Variants in RYR3 observed in about 807,000 individuals in gnomAD.
RYR3 encodes the protein ryanodine receptor 3.
RYR3 carries 207 observed loss-of-function variants against 584.3 expected under a neutral mutation model. That is an observed-to-expected ratio of 0.35 (90% CI 0.32 to 0.40). RYR3 has a LOEUF of 0.40. Among genes scored for constraint, RYR3 ranks in the 10% least tolerant of loss-of-function variants. The probability of loss-of-function intolerance (pLI) is 1.00; values close to 1 mark genes in which losing one functional copy is unlikely to be tolerated. For synonymous variants in RYR3, 2,416 were observed against 2,248.5 expected, an observed-to-expected ratio of 1.07 and a Z score of -2.11; for missense variants, 5,616 against 6,089.2, an observed-to-expected ratio of 0.92 and a Z score of 2.59.
At chr15:33,548,997 C>A (rs896874475) in intron 9 of RYR3, among the ~76,000 whole-genome samples, 3 of 152,022 alleles carry the variant, frequency 2.0e-5, no homozygotes, top group African/African-American at 7.2e-5. Context: ...CCCAAGGGCT[C>A]CTGAAGATAA....
intron 1 of RYR3, among the ~76,000 whole-genome samples, chr15:33,359,593 C>T (rs1280771871): frequency 6.9e-6 from 1 of 144,824 alleles, no homozygotes; most frequent in Non-Finnish European, 1.5e-5. Flanking sequence ...TCCCTGACCC[C>T]TTATTTATTT....
intron 3 of RYR3, among the ~76,000 whole-genome samples, chr15:33,507,596 AC>A (rs1567400040): frequency 6.6e-6 from 1 of 152,204 alleles, no homozygotes; most frequent in Non-Finnish European, 1.5e-5. Flanking sequence ...TACAGTGTCT[AC>A]CAACCTTCAG....
intron 57 of RYR3, among the ~76,000 whole-genome samples, chr15:33,750,871 TACCCCCACA>T (rs1003865318): frequency 2.0e-5 from 3 of 152,036 alleles, no homozygotes; most frequent in African/African-American, 4.8e-5. Flanking sequence ...ATCCCTCCCC[TACCCCCACA>T]ACCCCCACAG....
intron 19 of RYR3, among the ~76,000 whole-genome samples, chr15:33,618,501 GA>G (rs1486101024): frequency 6.6e-6 from 1 of 152,034 alleles, no homozygotes; most frequent in Admixed American, 6.5e-5. Flanking sequence ...TAGCCAGAAA[GA>G]AATATGAATG....
At chr15:33,468,493 C>G (rs1236778856) in intron 1 of RYR3, among the ~76,000 whole-genome samples, 1 of 152,196 alleles carries the variant, frequency 6.6e-6, no homozygotes. Flanking sequence ...ATGCCAGCAT[C>G]TGTTCCCTTT....
chr15:33,394,342 A>T (rs2042174837), intron 1 of RYR3, among the ~76,000 whole-genome samples: 4 of 152,250 alleles, frequency 2.6e-5, no homozygotes, highest in Admixed American at 2.6e-4. Flanking sequence ...TTTTCAGTAC[A>T]GCCAAAAAGA....
chr15:33,325,725 T>TCTTCCTTCCTTCCTTC (rs67855881), intron 1 of RYR3, among the ~76,000 whole-genome samples: 10 of 91,492 alleles, frequency 1.1e-4, no homozygotes, highest in African/African-American at 3.7e-4. Context: ...CCCCTCCCCC[T>TCTTCCTTCCTTCCTTC]CTTCCTTCCT....
intron 66 of RYR3, among the ~76,000 whole-genome samples, chr15:33,786,237 A>G (rs1359953373): frequency 1.3e-5 from 2 of 151,810 alleles, no homozygotes; most frequent in Non-Finnish European, 2.9e-5. Context: ...TTCTTAATCA[A>G]CTCCACTCAA....
At chr15:33,608,217 G>T (rs1391016185) in intron 18 of RYR3, among the ~76,000 whole-genome samples, 1 of 152,174 alleles carries the variant, frequency 6.6e-6, no homozygotes, top group Admixed American at 6.5e-5. Context: ...AAAATCATAG[G>T]TCCTGGTTCA....
At chr15:33,834,888 G>T in intron 86 of RYR3, 80 bp from the exon 87 acceptor site, 1 of 946,652 alleles carries the variant, frequency 1.1e-6, no homozygotes, top group Non-Finnish European at 1.7e-6. Flanking sequence ...CATATAAGTA[G>T]GTATCAGATG....
intron 1 of RYR3, among the ~76,000 whole-genome samples, chr15:33,433,270 A>T (rs1019659645): frequency 3.9e-5 from 6 of 152,180 alleles, no homozygotes; most frequent in Admixed American, 3.3e-4. Flanking sequence ...ATTGTTATAG[A>T]AGAGTATCTT....
intron 1 of RYR3, among the ~76,000 whole-genome samples, chr15:33,370,044 C>T (rs753214873): frequency 2.6e-5 from 4 of 152,314 alleles, no homozygotes; most frequent in Admixed American, 6.5e-5. Context: ...ATCATACTAT[C>T]GCTTATTTAA....
chr15:33,311,320 C>A lies in RYR3; in HGVS notation c.51+224C>A, dbSNP rs1323007886. On this transcript the variant is annotated intron_variant, in intron 1 of 103. Coordinates refer to ENST00000634891, the MANE Select transcript of RYR3 (RefSeq NM_001036.6). The surrounding 1 kb of genome is among the most constrained non-coding windows in gnomAD (Gnocchi z 4.4). ...TGCCTCTCCCTTGTTCCCCTACCGC[C>A]ACCCCTGCCCCAGGCCCTCCACCTA... is the stretch of plus-strand genomic sequence containing the variant. Among the ~76,000 whole-genome samples the A allele has an allele frequency of 1.3e-5, 2 of 152,202 alleles. No homozygotes were observed. Among genetic ancestry groups the A allele is most frequent in the Non-Finnish European group, 2.9e-5 (2 of 68,020 alleles).
intron 12 of RYR3, among the ~76,000 whole-genome samples, chr15:33,571,891 C>CT (rs1206215864): frequency 5.3e-5 from 8 of 151,910 alleles, no homozygotes; most frequent in Non-Finnish European, 7.4e-5. Context: ...CCCTTACTAC[C>CT]TTTTTTTGTG....
rs1371195717 is a variant in RYR3 at position 33,662,677 on chromosome 15, G to A, written c.5147G>A (p.Gly1716Glu). 3.1e-6 allele frequency: 5 copies of A among 1,614,064 alleles called. No homozygotes were observed. Among genetic ancestry groups the A allele is most frequent in the Non-Finnish European group, 4.2e-6 (5 of 1,180,024 alleles). The change falls in exon 35 of 104, where the codon GGG (glycine) becomes GAG (glutamate). Residue 1716 changes from glycine (G) to glutamate (E), a missense_variant. By Grantham distance (98) the Gly-to-Glu change is moderately conservative. Coordinates refer to ENST00000634891, the MANE Select transcript of RYR3 (RefSeq NM_001036.6). ...SGAHIRDPVG[G>E]SVEFQFVPVL... ...GCCCACATCCGAGACCCTGTAGGGG[G>A]GTCTGTGGAGTTCCAGTTTGTGCCT... is the stretch of plus-strand genomic sequence containing the variant.
chr15:33,652,019 A>G (rs938888529), intron 31 of RYR3, among the ~76,000 whole-genome samples: 2 of 152,140 alleles, frequency 1.3e-5, no homozygotes, highest in Non-Finnish European at 2.9e-5. Context: ...GGACTTTTTC[A>G]TTATTATAGT....
In RYR3 at chr15:33,777,799, AAAAG is replaced by A. The variant is rs543695061; in HGVS notation, c.9138-2410_9138-2407del. Among the ~76,000 whole-genome samples the A allele has an allele frequency of 4.2e-4, 64 of 152,212 alleles. No homozygotes were observed. In the South Asian group the frequency reaches 0.012, roughly 30 times the overall value. ...GGTCAAAGAAAGAGGAAAAAAAAAA[AAAAG>A]AGAAGAATAATGGATCTATCCAGTC... On this transcript the variant is annotated intron_variant, in intron 64 of 103. Coordinates refer to ENST00000634891, the MANE Select transcript of RYR3 (RefSeq NM_001036.6).
At chr15:33,620,748 C>T (rs2060686383) in intron 19 of RYR3, among the ~76,000 whole-genome samples, 1 of 152,184 alleles carries the variant, frequency 6.6e-6, no homozygotes, top group Admixed American at 6.5e-5. Flanking sequence ...TGGATCGCTT[C>T]TCACGGACTC....
intron 60 of RYR3, among the ~76,000 whole-genome samples, chr15:33,762,233 A>G (rs944836941): frequency 5.3e-5 from 8 of 152,190 alleles, no homozygotes; most frequent in African/African-American, 1.7e-4. Context: ...CCTATTCAAC[A>G]TAGTATTGGA....
Sources: allele counts gnomAD v4.1 joint callset (sites outside exome capture counted in the v4.1 genomes callset), GRCh38; gene constraint gnomAD v4.1.1; non-coding constraint Gnocchi (gnomAD v3.1); transcripts MANE v1.5; gene names NCBI Gene and HGNC (gene_info 2026-07-23, HGNC 2026-07-21).